SPATA24: variants seen among roughly 807,000 people sequenced by gnomAD.
The protein encoded by SPATA24 is spermatogenesis associated 24.
SPATA24 carries 21 observed loss-of-function variants against 28.9 expected under a neutral mutation model. The ratio of observed to expected loss-of-function variants is 0.73; its 90% CI spans 0.52 to 1.05. The LOEUF (loss-of-function observed/expected upper bound fraction) is 1.05, where lower values mean the gene tolerates loss of function less well. Among genes scored for constraint, SPATA24 ranks in the 50% least tolerant of loss-of-function variants. The pLI is 0.00. For missense variants in SPATA24, 215 were observed against 242.9 expected (o/e 0.88, Z 0.76); for synonymous variants, 76 against 89.9 (o/e 0.85, Z 0.88).
At chr5:139,397,630 C>G (rs1262151853) in intron 4 of SPATA24, among the ~76,000 whole-genome samples, 1 of 151,902 alleles carries the variant, frequency 6.6e-6, no homozygotes, top group Admixed American at 6.6e-5. Context: ...TCTTGGCTCA[C>G]TGCAACCTCC....
chr5:139,401,774 C>A lies in SPATA24; in HGVS notation c.366G>T (p.Gln122His). Residue 122 changes from glutamine to histidine, a missense_variant, in exon 4 of 6, where the codon CAG (glutamine) becomes CAT (histidine). Physicochemically the swap from Gln to His is conservative, Grantham distance 24. Transcript: ENST00000450845. ...KVLQESSKKD[Q>H]LITKCNEIES... is the part of the protein sequence containing the mutation. ...GCCTACCATTGCACTTGGTGATGAGCTGGTCCTTCTTGCTGGACTCCTGAA... is the reference window on the plus strand; with the variant it reads ...GCCTACCATTGCACTTGGTGATGAGATGGTCCTTCTTGCTGGACTCCTGAA... The A allele has an allele frequency of 6.4e-7, 1 of 1,551,644 alleles. No homozygotes were observed. Among genetic ancestry groups the A allele is most frequent in the Non-Finnish European group, 8.7e-7 (1 of 1,146,988 alleles).
downstream of SPATA24, chr5:139,393,089 T>A (rs1169887142): frequency 6.6e-7 from 1 of 1,524,240 alleles, no homozygotes; most frequent in South Asian, 1.2e-5. Context: ...GGCTCTTGCG[T>A]CTTGGATTCG....
chr5:139,401,050 G>A (rs1458532608), intron 4 of SPATA24, among the ~76,000 whole-genome samples: 5 of 152,106 alleles, frequency 3.3e-5, no homozygotes, highest in African/African-American at 7.2e-5. Context: ...CTAGCTACTC[G>A]GGAGGCTGCG....
Position 139,397,077 on chromosome 5 carries a change from A to C in SPATA24, c.452T>G (p.Leu151Trp). 1.3e-6 allele frequency: 2 copies of C among 1,551,852 alleles called. No individual in the cohort carries two copies. The highest frequency in any genetic ancestry group is 8.7e-7 in the Non-Finnish European group (1 of 1,147,032). Reference protein sequence around the residue: ...LNGKENEIKELQQVISQQKQI... With the variant: ...LNGKENEIKEWQQVISQQKQI... ...TTTCTGCTGGCTGATAACTTGCTGC[A>C]ACTCTTTAATCTCATTCTCTTTGCC... The change falls in exon 5 of 6, where the codon TTG becomes TGG. Residue 151 changes from leucine (L) to tryptophan (W), a missense_variant. Physicochemically the swap from Leu to Trp is moderately conservative, Grantham distance 61. Transcript: ENST00000450845.
At chr5:139,403,898 T>C in intron 1 of SPATA24, 46 bp downstream of exon 1, 2 of 1,477,960 alleles carry the variant, frequency 1.4e-6, no homozygotes, top group Middle Eastern at 1.7e-4. Flanking sequence ...CCCCCACCAG[T>C]GAGGCATCCG....
At chr5:139,392,878 A>C, downstream of SPATA24, 1 of 1,544,694 alleles carries the variant, frequency 6.5e-7, no homozygotes, top group African/African-American at 1.4e-5. This position sits in a 1 kb window ranked among gnomAD's most constrained non-coding sequence, Gnocchi z 5.8. Flanking sequence ...GGCCCCAGGC[A>C]GGCGGATCTC....
downstream of SPATA24, chr5:139,393,177 G>A (rs753320442): frequency 1.3e-6 from 2 of 1,549,310 alleles, no homozygotes; most frequent in Non-Finnish European, 1.7e-6. Flanking sequence ...AGCCTGGCGC[G>A]TACGTGGTCT....
At chr5:139,400,302 CTTT>C (rs55789939) in intron 4 of SPATA24, among the ~76,000 whole-genome samples, 3 of 125,104 alleles carry the variant, frequency 2.4e-5, no homozygotes, top group Non-Finnish European at 3.4e-5. Context: ...TTCATACCTA[CTTT>C]TTTTTTTTTT....
At chr5:139,401,448 T>C in intron 4 of SPATA24, 1 of 611,906 alleles carries the variant, frequency 1.6e-6, no homozygotes, top group South Asian at 1.9e-5. Context: ...CTTGTATCAG[T>C]TAGGAGTAAC....
downstream of SPATA24, chr5:139,395,040 C>T (rs918577635): frequency 2.8e-6 from 4 of 1,428,382 alleles, no homozygotes; most frequent in Middle Eastern, 2.4e-4. Flanking sequence ...GCAGCTGCCT[C>T]GGGATCCCAG....
downstream of SPATA24, chr5:139,394,904 C>G (rs1362826442): frequency 6.6e-7 from 1 of 1,508,690 alleles, no homozygotes; most frequent in African/African-American, 1.5e-5. Context: ...CGCCCAGGAG[C>G]CACCCAGGGC....
chr5:139,402,558 T>A, intron 2 of SPATA24, 70 bp downstream of exon 2: 1 of 1,402,014 alleles, frequency 7.1e-7, no homozygotes, highest in Non-Finnish European at 9.9e-7. Flanking sequence ...TAATACTTAA[T>A]GAGCCTGCCT....
intron 1 of SPATA24, among the ~76,000 whole-genome samples, chr5:139,403,725 CGGAA>C (rs997855112): frequency 6.6e-6 from 1 of 152,174 alleles, no homozygotes; most frequent in African/African-American, 2.4e-5. Flanking sequence ...ACCAGGCAAA[CGGAA>C]GGGAGAATAT....
intron 1 of SPATA24, among the ~76,000 whole-genome samples, chr5:139,403,398 T>C (rs1258532870): frequency 6.6e-6 from 1 of 152,236 alleles, no homozygotes; most frequent in East Asian, 1.9e-4. Flanking sequence ...GAACTCCAGA[T>C]GGCCAGGATT....
At chr5:139,394,876 G>A, downstream of SPATA24, 1 of 1,521,028 alleles carries the variant, frequency 6.6e-7, no homozygotes, top group African/African-American at 1.4e-5. Flanking sequence ...GGACAGGCGA[G>A]GCTGCGCGCC....
chr5:139,402,962 T>C (rs4075682), intron 1 of SPATA24, among the ~76,000 whole-genome samples: 76,314 of 152,072 alleles, frequency 0.5, 22,439 homozygotes, highest in Non-Finnish European at 0.66. Context: ...TAAGGGGATC[T>C]GGGGCTCAGA....
In SPATA24 at chr5:139,403,966, A is replaced by T. The variant is rs1195895027; in HGVS notation, c.95T>A (p.Leu32Gln). ...LRDVIESQEELIHQLRNVMVL... is the reference protein window; with the variant it reads ...LRDVIESQEEQIHQLRNVMVL... ...TACCACGTTCCTCAGCTGGTGGATT[A>T]GTTCCTCCTGAGACTCAATCACGTC... Residue 32 changes from leucine (L) to glutamine (Q), a missense_variant, in exon 1 of 6, where the codon CTA becomes CAA. Physicochemically the swap from Leu to Gln is moderately radical, Grantham distance 113 (BLOSUM62 -2). Transcript: ENST00000450845. 4 of 1,551,632 alleles carry T rather than the reference A, an allele frequency of 2.6e-6. No individual in the cohort carries two copies. In the South Asian group the frequency reaches 4.8e-5, roughly 18 times the overall value.
At chr5:139,402,169 T>C in intron 2 of SPATA24, 124 bp from the exon 3 acceptor site, 4 of 1,241,078 alleles carry the variant, frequency 3.2e-6, no homozygotes, top group Non-Finnish European at 4.3e-6. Flanking sequence ...TCTGGCCACC[T>C]TGCTACAGGG....
downstream of SPATA24, chr5:139,396,130 A>G: frequency 1.0e-6 from 1 of 982,312 alleles, no homozygotes; most frequent in Non-Finnish European, 1.2e-6. Context: ...CTTGGCCTCA[A>G]ACCGACCCAG....
Sources: gnomAD v4.1 joint callset for allele counts (sites outside exome capture counted in the v4.1 genomes callset) on GRCh38, gnomAD v4.1.1 for gene constraint, Gnocchi (gnomAD v3.1) non-coding constraint, MANE v1.5 for transcripts, NCBI Gene and HGNC (gene_info 2026-07-23, HGNC 2026-07-21) for gene names.